RTP5: variants seen among roughly 807,000 people sequenced by gnomAD.
RTP5 encodes receptor transporter protein 5 (putative), also known as receptor-transporting protein 5.
Under a neutral mutation model 23.5 loss-of-function variants are expected in RTP5, and 30 were observed. That is an observed-to-expected ratio of 1.27 (90% CI 0.95 to 1.73). The LOEUF is 1.73. Ranked by LOEUF, RTP5 falls within the 40% of genes most tolerant of loss-of-function variation. The pLI is 0.00. For missense variants in RTP5, 807 were observed against 784.2 expected, an observed-to-expected ratio of 1.03 and a Z score of -0.35; for synonymous variants, 354 against 342.1, an observed-to-expected ratio of 1.03 and a Z score of -0.38.
rs1171911211 is a variant in RTP5, at chr2:241,873,061, A to G, written c.1506A>G (p.Gln502=). 12 of 1,612,818 alleles carry G rather than the reference A, an allele frequency of 7.4e-6. No individual in the cohort carries two copies. Among genetic ancestry groups the G allele is most frequent in the Non-Finnish European group, 1.0e-5 (12 of 1,179,886 alleles). Residue 502 remains glutamine, a synonymous_variant, in exon 2 of 2, where the codon CAA becomes CAG. Coordinates refer to ENST00000343216, the MANE Select transcript of RTP5 (RefSeq NM_173821.3). The part of the protein sequence containing the change: ...YGPQGNGCFS[Q]GYYQKRQLRS... The stretch of plus-strand genomic sequence containing the variant: ...CCCAGGGCAATGGCTGCTTCTCCCA[A>G]GGCTATTACCAGAAGAGGCAGCTGA...
intron 1 of RTP5, 59 bp downstream of exon 1, chr2:241,869,973 G>A (rs1356903120): frequency 2.1e-6 from 3 of 1,398,872 alleles, no homozygotes; most frequent in South Asian, 1.6e-5. Context: ...CTTTTCCACG[G>A]GACCTTGGGT....
rs770105926 is a variant in RTP5 at position 241,871,937 on chromosome 2, G to A, written c.382G>A (p.Asp128Asn). 11 of 1,589,800 alleles carry A rather than the reference G, an allele frequency of 6.9e-6. No individual in the cohort carries two copies. The African/African-American group carries it at 1.3e-4, about 19-fold the overall frequency. The change falls in exon 2 of 2, where the codon GAT becomes AAT. Residue 128 changes from aspartate (D) to asparagine (N), a missense_variant. By Grantham distance (23) the Asp-to-Asn change is conservative (BLOSUM62 1). Transcript: ENST00000343216. ...VLHILQDCYG[D>N]GPGPARHPRE... ...GCACATCCTGCAGGACTGCTACGGG[G>A]ATGGCCCCGGCCCAGCCCGGCACCC...
chr2:241,870,850 G>C (rs1227175083), intron 1 of RTP5: 5 of 443,164 alleles, frequency 1.1e-5, no homozygotes, highest in Non-Finnish European at 2.3e-5. Context: ...CAGCAGTTCA[G>C]TTCCTCCAGC....
chr2:241,870,603 C>G (rs1052100463), intron 1 of RTP5, among the ~76,000 whole-genome samples: 13 of 152,234 alleles, frequency 8.5e-5, no homozygotes, highest in Admixed American at 3.3e-4. Flanking sequence ...CACAGCTCCT[C>G]AGTGCCTGAG....
Position 241,872,548 on chromosome 2 carries a change from C to T in RTP5, c.993C>T (p.Leu331=). 14 of 1,555,810 alleles carry T rather than the reference C, an allele frequency of 9.0e-6. No individual in the cohort carries two copies. The highest frequency in any genetic ancestry group is 1.2e-5 in the Non-Finnish European group (14 of 1,150,848). The change falls in exon 2 of 2, where the codon CTC becomes CTT. Residue 331 remains leucine, a synonymous_variant. Coordinates refer to ENST00000343216, the MANE Select transcript of RTP5 (RefSeq NM_173821.3). ...HTPTVFYCVG[L]SASGEGSLTF... ...CAACCGTGTTCTACTGTGTGGGCCT[C>T]TCGGCCAGCGGGGAGGGCTCCCTCA...
At position 241,872,275 on chromosome 2, in the gene RTP5, C is replaced by A. The variant is rs372219728; in HGVS notation, c.720C>A (p.Val240=). ...TGACTGGCAGCTGTGAGGCCCTGGT[C>A]ATCGGCCAGGGCTCCATCTTCCTGT... The part of the protein sequence containing the change: ...LPVTGSCEAL[V]IGQGSIFLSG... Residue 240 remains valine (V), a synonymous_variant, in exon 2 of 2, where the codon GTC becomes GTA. Coordinates refer to ENST00000343216, the MANE Select transcript of RTP5 (RefSeq NM_173821.3). 6.9e-5 allele frequency: 110 copies of A among 1,598,810 alleles called. No individual in the cohort carries two copies. Among genetic ancestry groups the A allele is most frequent in the Non-Finnish European group, 8.6e-5 (101 of 1,171,276 alleles).
In RTP5 at chr2:241,873,166, C is replaced by A. The variant is rs200260309; in HGVS notation, c.1611C>A (p.His537Gln). Reference sequence around the variant, plus strand: ...CTGGCCGTGCCTGCCGTAGGCCGCACGCCGAGCCCTACGAGGACTTCTGGA... The same window carrying A: ...CTGGCCGTGCCTGCCGTAGGCCGCAAGCCGAGCCCTACGAGGACTTCTGGA... ...ERPGRACRRP[H>Q]AEPYEDFWIW... is the part of the protein sequence containing the mutation. The change falls in exon 2 of 2, where the codon CAC (histidine) becomes CAA (glutamine). Residue 537 changes from histidine (H) to glutamine (Q), a missense_variant. Transcript: ENST00000343216. 5 of 1,611,954 alleles carry A rather than the reference C, an allele frequency of 3.1e-6. No individual in the cohort carries two copies. Among genetic ancestry groups the A allele is most frequent in the Non-Finnish European group, 4.2e-6 (5 of 1,179,886 alleles).
intron 1 of RTP5, 62 bp downstream of exon 1, chr2:241,869,976 C>A: frequency 2.2e-6 from 3 of 1,387,818 alleles, no homozygotes; most frequent in Non-Finnish European, 2.8e-6. Flanking sequence ...TTCCACGGGA[C>A]CTTGGGTGGT....
chr2:241,870,457 C>T (rs1015747581), intron 1 of RTP5, among the ~76,000 whole-genome samples: 10 of 152,244 alleles, frequency 6.6e-5, no homozygotes, highest in South Asian at 4.1e-4. Flanking sequence ...ACAGCTCGGC[C>T]GGGTGCCAGC....
chr2:241,872,986 A>C lies in RTP5; in HGVS notation c.1431A>C (p.Ala477=). ...VSEGCITIPF[A]VFDVIKRKGG... ...AGGGCTGCATCACCATCCCCTTCGC[A>C]GTCTTCGATGTCATAAAGCGCAAGG... The change falls in exon 2 of 2, where the codon GCA becomes GCC. Residue 477 remains alanine, a synonymous_variant. Transcript: ENST00000343216. 1 of 1,613,126 alleles carries C rather than the reference A, an allele frequency of 6.2e-7. No individual in the cohort carries two copies. The highest frequency in any genetic ancestry group is 8.5e-7 in the Non-Finnish European group (1 of 1,179,992).
intron 1 of RTP5, chr2:241,871,002 G>A (rs556437286): frequency 2.9e-4 from 137 of 471,156 alleles, no homozygotes; most frequent in African/African-American, 2.0e-3. Flanking sequence ...GTTCCCTGAA[G>A]CTCACAGCTG....
At position 241,869,863 on chromosome 2, in the gene RTP5, C is replaced by T. The variant is rs758810984; in HGVS notation, c.107C>T (p.Pro36Leu). Residue 36 changes from proline (P) to leucine (L), a missense_variant, in exon 1 of 2, where the codon CCG becomes CTG. Coordinates refer to ENST00000343216, the MANE Select transcript of RTP5 (RefSeq NM_173821.3). The part of the protein sequence containing the change: ...WVLLPEHSLV[P>L]GCLDGGGVQY... ...CTGCTACCTGAGCACAGCCTGGTCC[C>T]GGGATGCCTGGACGGCGGTGGTGTC... 8 of 1,587,910 alleles carry T rather than the reference C, an allele frequency of 5.0e-6. No individual in the cohort carries two copies. The highest frequency in any genetic ancestry group is 3.6e-5 in the Admixed American group (2 of 56,302).
At chr2:241,871,173 C>T (rs567669977) in intron 1 of RTP5, 22 of 418,628 alleles carry the variant, frequency 5.3e-5, no homozygotes, top group African/African-American at 4.1e-4. Flanking sequence ...AGCTGGCAGG[C>T]GACCTCCTGG....
Position 241,873,530 on chromosome 2 carries a change from C to A in RTP5, c.*256C>A. 1 of 251,902 alleles carries A rather than the reference C, an allele frequency of 4.0e-6. No homozygotes were observed. The highest frequency in any genetic ancestry group is 6.1e-6 in the Non-Finnish European group (1 of 164,680). The allele number at this position is 251,902 out of a possible 1,614,324, so 15.6% of individuals were successfully genotyped here. ...TGCCCGCCCCGCCTCCGTGGCCCCG[C>A]CTCCACCTCCGAGACCCCGCCTCCA... On this transcript the variant is annotated 3_prime_UTR_variant, in exon 2 of 2. Coordinates refer to ENST00000343216, the MANE Select transcript of RTP5 (RefSeq NM_173821.3).
At position 241,871,933 on chromosome 2, in the gene RTP5, C is replaced by T. The variant is rs771455989; in HGVS notation, c.378C>T (p.Tyr126=). The T allele has an allele frequency of 1.2e-5, 19 of 1,588,262 alleles. No individual in the cohort carries two copies. The highest frequency in any genetic ancestry group is 1.7e-4 in the Middle Eastern group (1 of 6,024). The stretch of plus-strand genomic sequence containing the variant: ...TCTTGCACATCCTGCAGGACTGCTA[C>T]GGGGATGGCCCCGGCCCAGCCCGGC... ...RLVLHILQDC[Y]GDGPGPARHP... The change falls in exon 2 of 2, where the codon TAC becomes TAT. Residue 126 remains tyrosine (Y), a synonymous_variant. Transcript: ENST00000343216.
At chr2:241,871,686 C>T (rs780684144) in intron 1 of RTP5, 28 bp from the exon 2 acceptor site, 18 of 1,567,288 alleles carry the variant, frequency 1.1e-5, no homozygotes, top group Non-Finnish European at 1.2e-5. Context: ...TTCTCCTGCA[C>T]TCACACACAC....
In RTP5 at chr2:241,872,001, T is replaced by TG. The variant is rs907051247; in HGVS notation, c.451dup (p.Val151GlyfsTer64). ...GAGGGCTGCTGTGAGGCCTGTGAGC[T>TG]GGGGGTCTGCTTCCTCCAGAAGGCC... is the stretch of plus-strand genomic sequence containing the variant. On this transcript the variant is annotated frameshift_variant, in exon 2 of 2. Coordinates refer to ENST00000343216, the MANE Select transcript of RTP5 (RefSeq NM_173821.3). LOFTEE classifies it low-confidence loss of function (END_TRUNC). 6 of 1,581,234 alleles carry TG rather than the reference T, an allele frequency of 3.8e-6. No individual in the cohort carries two copies. The African/African-American group carries it at 8.1e-5, about 21-fold the overall frequency.
Position 241,872,694 on chromosome 2 carries a change from C to A in RTP5, c.1139C>A (p.Ala380Asp), listed in dbSNP as rs541056908. The change falls in exon 2 of 2, where the codon GCC becomes GAC. Residue 380 changes from alanine to aspartate, a missense_variant. Physicochemically the swap from Ala to Asp is moderately radical, Grantham distance 126. Transcript: ENST00000343216. ...TTCATCTTTACTGATGTCAAGGATG[C>A]CGTTGCTGAGGTGGCTGAAGGCAAC... ...FPFIFTDVKD[A>D]VAEVAEGNGK... The A allele has an allele frequency of 6.9e-6, 11 of 1,602,280 alleles. No homozygotes were observed. Among genetic ancestry groups the A allele is most frequent in the Non-Finnish European group, 9.4e-6 (11 of 1,174,360 alleles).
At position 241,869,770 on chromosome 2, in the gene RTP5, G is replaced by C; in HGVS notation, c.14G>C (p.Gly5Ala). ...CCAGGCGGCAGCATGGACCGGGCTGGGGCAGACATGTGGGCCAGCACCTTC... is the reference window on the plus strand; with the variant it reads ...CCAGGCGGCAGCATGGACCGGGCTGCGGCAGACATGTGGGCCAGCACCTTC... Reference protein sequence around the residue: MDRAGADMWASTFTL... With the variant: MDRAAADMWASTFTL... Residue 5 changes from glycine to alanine, a missense_variant, in exon 1 of 2, where the codon GGG becomes GCG. Physicochemically the swap from Gly to Ala is moderately conservative, Grantham distance 60. Transcript: ENST00000343216. 6.5e-7 allele frequency: 1 copy of C among 1,534,146 alleles called. No individual in the cohort carries two copies. Among genetic ancestry groups the C allele is most frequent in the Non-Finnish European group, 8.8e-7 (1 of 1,142,644 alleles).
Sources: allele counts gnomAD v4.1 joint callset (sites outside exome capture counted in the v4.1 genomes callset), GRCh38; gene constraint gnomAD v4.1.1; transcripts MANE v1.5; gene names NCBI Gene and HGNC (gene_info 2026-07-23, HGNC 2026-07-21).